CDK14: variants seen among roughly 807,000 people sequenced by gnomAD.
The protein encoded by CDK14 is cyclin dependent kinase 14, also known as cyclin-dependent kinase 14.
A neutral mutation model predicts 60.7 loss-of-function variants in CDK14; 34 were observed. The ratio of observed to expected loss-of-function variants is 0.56; its 90% confidence interval spans 0.43 to 0.75. The LOEUF (loss-of-function observed/expected upper bound fraction) is 0.75. Among genes scored for constraint, CDK14 ranks in the 30% least tolerant of loss-of-function variants. The pLI, the probability that CDK14 is intolerant of heterozygous loss-of-function variation, is 0.00. For synonymous variants in CDK14, 197 were observed against 203.7 expected (o/e 0.97, Z 0.28); for missense variants, 482 against 564.1 (o/e 0.85, Z 1.47).
At chr7:91,096,065 C>CAAAAAAAA (rs112016367) in intron 12 of CDK14, among the ~76,000 whole-genome samples, 30 of 64,546 alleles carry the variant, frequency 4.6e-4, no homozygotes, top group East Asian at 5.3e-4. Flanking sequence ...CACAATTTGC[C>CAAAAAAAA]AAAAAAAAAA....
intron 14 of CDK14, among the ~76,000 whole-genome samples, chr7:91,171,484 T>C (rs956312997): frequency 1.3e-5 from 2 of 152,190 alleles, no homozygotes; most frequent in African/African-American, 4.8e-5. Context: ...TTTTTAATAT[T>C]GGAGAAAATA....
At chr7:90,739,151 A>G (rs977379679) in intron 3 of CDK14, among the ~76,000 whole-genome samples, 8 of 152,296 alleles carry the variant, frequency 5.3e-5, no homozygotes, top group East Asian at 1.9e-4. Context: ...GATTCTTCCT[A>G]TGGAGTCAGC....
intron 5 of CDK14, among the ~76,000 whole-genome samples, chr7:90,822,246 A>C (rs1789577243): frequency 6.6e-6 from 1 of 152,192 alleles, no homozygotes; most frequent in South Asian, 2.1e-4. Flanking sequence ...GCACGTCCAA[A>C]ATATTAATAC....
intron 2 of CDK14, among the ~76,000 whole-genome samples, chr7:90,680,917 T>G (rs1801301547): frequency 6.6e-6 from 1 of 152,210 alleles, no homozygotes; most frequent in Non-Finnish European, 1.5e-5. Context: ...TGGATGTACT[T>G]TAGAACATGG....
At chr7:91,165,698 T>C (rs1801325011) in intron 14 of CDK14, among the ~76,000 whole-genome samples, 1 of 152,222 alleles carries the variant, frequency 6.6e-6, no homozygotes, top group Non-Finnish European at 1.5e-5. Context: ...GTTCTGAAAG[T>C]AATCCATGCA....
At chr7:90,664,579 C>A (rs1471922701) in intron 2 of CDK14, among the ~76,000 whole-genome samples, 6 of 152,054 alleles carry the variant, frequency 3.9e-5, no homozygotes, top group Admixed American at 1.3e-4. Flanking sequence ...GAAAATATGG[C>A]ACATATACAC....
chr7:90,823,035 G>C (rs951143729), intron 5 of CDK14, among the ~76,000 whole-genome samples: 3 of 152,168 alleles, frequency 2.0e-5, no homozygotes, highest in African/African-American at 7.2e-5. Context: ...AGGGGCTAGT[G>C]TGTTGCTCTT....
chr7:90,938,962 T>C (rs1793833086), intron 8 of CDK14, among the ~76,000 whole-genome samples: 1 of 152,152 alleles, frequency 6.6e-6, no homozygotes, highest in African/African-American at 2.4e-5. Context: ...TAACATATAG[T>C]CATAATTTCC....
At chr7:90,758,344 T>C (rs1804168345) in intron 4 of CDK14, among the ~76,000 whole-genome samples, 1 of 152,196 alleles carries the variant, frequency 6.6e-6, no homozygotes, top group Non-Finnish European at 1.5e-5. Context: ...GACTGCTGAC[T>C]GCTGATCTCT....
rs370835688 is a variant in CDK14, at chr7:90,983,223, C to A, written c.948-925C>A. On this transcript the variant is annotated intron_variant, in intron 9 of 14. Coordinates refer to ENST00000380050, the MANE Select transcript of CDK14 (RefSeq NM_001287135.2). ...AACTGGGTATATATCTGAAAGAAAA[C>A]AAATCATTCTAAAAAAAAGATACAC... is the stretch of plus-strand genomic sequence containing the variant. 9.9e-5 allele frequency among the ~76,000 whole-genome samples: 15 copies of A among 152,142 alleles called. No homozygotes were observed. The South Asian group carries it at 3.1e-3, about 32-fold the overall frequency.
At chr7:91,033,604 CTT>C (rs1257078705) in intron 10 of CDK14, among the ~76,000 whole-genome samples, 2 of 152,208 alleles carry the variant, frequency 1.3e-5, no homozygotes, top group Admixed American at 1.3e-4. Flanking sequence ...ATGGACCACA[CTT>C]TGAGCAGCAG....
chr7:90,971,088 A>G (rs1201112220), intron 9 of CDK14, among the ~76,000 whole-genome samples: 2 of 150,650 alleles, frequency 1.3e-5, no homozygotes, highest in Non-Finnish European at 3.0e-5. Context: ...CCACCCCACA[A>G]CAGTCCCCGG....
chr7:91,050,126 C>T (rs1217069697), intron 11 of CDK14, among the ~76,000 whole-genome samples: 6 of 152,130 alleles, frequency 3.9e-5, no homozygotes, highest in Non-Finnish European at 7.3e-5. Context: ...AAGTCATAGA[C>T]GACGTGGGGC....
intron 2 of CDK14, among the ~76,000 whole-genome samples, chr7:90,619,349 T>C (rs1799719522): frequency 6.6e-6 from 1 of 152,190 alleles, no homozygotes; most frequent in Admixed American, 6.5e-5. Context: ...TTAAGGAAAC[T>C]GGACATTTAA....
intron 12 of CDK14, among the ~76,000 whole-genome samples, chr7:91,089,340 C>T (rs1798735151): frequency 6.6e-6 from 1 of 152,062 alleles, no homozygotes; most frequent in African/African-American, 2.4e-5. Context: ...TTTATAATTT[C>T]TTATATGTCT....
intron 11 of CDK14, among the ~76,000 whole-genome samples, chr7:91,071,681 G>T (rs1416119884): frequency 6.6e-6 from 1 of 152,242 alleles, no homozygotes; most frequent in Non-Finnish European, 1.5e-5. Context: ...ACAGCTGCGG[G>T]TGCCTGCTGT....
intron 8 of CDK14, among the ~76,000 whole-genome samples, chr7:90,940,007 G>A (rs1793869001): frequency 6.6e-6 from 1 of 152,120 alleles, no homozygotes; most frequent in African/African-American, 2.4e-5. Flanking sequence ...GGCTGGAGTC[G>A]GGGGGATGTA....
At chr7:90,626,641 G>C (rs181318033) in intron 2 of CDK14, among the ~76,000 whole-genome samples, 6 of 152,106 alleles carry the variant, frequency 3.9e-5, no homozygotes, top group East Asian at 3.8e-4. Context: ...TTGTAGTTAC[G>C]TTAAAAACGT....
chr7:90,639,210 C>A (rs1800249569), intron 2 of CDK14, among the ~76,000 whole-genome samples: 1 of 151,870 alleles, frequency 6.6e-6, no homozygotes, highest in Non-Finnish European at 1.5e-5. Flanking sequence ...AGGTGCTCTG[C>A]TTAGAGTTTC....
Sources: gnomAD v4.1 joint callset for allele counts (sites outside exome capture counted in the v4.1 genomes callset) on GRCh38, gnomAD v4.1.1 for gene constraint, MANE v1.5 for transcripts, NCBI Gene and HGNC (gene_info 2026-07-23, HGNC 2026-07-21) for gene names.